The following MGST2 variants were observed in gnomAD, a reference collection of about 807,000 sequenced individuals.
MGST2 encodes the protein glutathione peroxidase MGST2.
Under a neutral mutation model 16.6 loss-of-function variants are expected in MGST2, and 9 were observed. The observed-to-expected ratio is 0.54, with a 90% CI of 0.33 to 0.95. The LOEUF (loss-of-function observed/expected upper bound fraction) is 0.95, where lower values mean the gene tolerates loss of function less well. MGST2 is among the 40% of genes least tolerant of loss of function. The pLI, the probability that MGST2 is intolerant of heterozygous loss-of-function variation, is 0.03. For missense variants in MGST2, 159 were observed against 175.1 expected (o/e 0.91, Z 0.52); for synonymous variants, 79 against 68.0 (o/e 1.16, Z -0.79).
chr4:139,720,516 T>TA (rs1196328046), intron 5 of MGST2, among the ~76,000 whole-genome samples: 2 of 152,078 alleles, frequency 1.3e-5, no homozygotes, highest in Admixed American at 6.5e-5. Flanking sequence ...TTGAAAGTGT[T>TA]AAAAAATACA....
At chr4:139,719,466 C>A in intron 5 of MGST2, 1 of 1,614,018 alleles carries the variant, frequency 6.2e-7, no homozygotes, top group Non-Finnish European at 8.5e-7. Context: ...TTGTATGACA[C>A]GTCCTGAGGG....
intron 5 of MGST2, chr4:139,716,730 C>A (rs1727982618): frequency 6.6e-6 from 1 of 152,436 alleles, no homozygotes; most frequent in South Asian, 2.1e-4. Flanking sequence ...CAGTGAGGAT[C>A]TTAAAATAAA....
At chr4:139,679,030 T>C (rs974068466) in intron 2 of MGST2, 3 of 228,256 alleles carry the variant, frequency 1.3e-5, no homozygotes, top group African/African-American at 6.9e-5. Context: ...AAAACAGAGG[T>C]AGATCAGGAT....
intron 2 of MGST2, among the ~76,000 whole-genome samples, chr4:139,689,678 A>C (rs1381945612): frequency 6.6e-6 from 1 of 152,250 alleles, no homozygotes; most frequent in Non-Finnish European, 1.5e-5. Context: ...ACCTGCAAGA[A>C]GCAAACTTCC....
At chr4:139,716,620 T>G (rs1479692351) in intron 5 of MGST2, 2 of 152,602 alleles carry the variant, frequency 1.3e-5, no homozygotes, top group Non-Finnish European at 2.9e-5. Flanking sequence ...ATCTCTCCCA[T>G]TAAATAAATG....
intron 2 of MGST2, among the ~76,000 whole-genome samples, chr4:139,684,480 G>A (rs1731443067): frequency 6.6e-6 from 1 of 152,132 alleles, no homozygotes; most frequent in African/African-American, 2.4e-5. Flanking sequence ...GATCTTAGAG[G>A]TTTTACCCAA....
intron 5 of MGST2, among the ~76,000 whole-genome samples, chr4:139,723,306 G>GT (rs954168316): frequency 6.6e-6 from 1 of 151,564 alleles, no homozygotes; most frequent in Admixed American, 6.6e-5. Context: ...TTTGTCTCTG[G>GT]TTTTTTTTGT....
chr4:139,719,485 C>T (rs1180941436), intron 5 of MGST2: 3 of 1,613,920 alleles, frequency 1.9e-6, no homozygotes, highest in Non-Finnish European at 1.7e-6. Flanking sequence ...GGGCATTCCG[C>T]TCATAGGCTT....
At chr4:139,731,769 C>A (rs1467916907) in intron 5 of MGST2, among the ~76,000 whole-genome samples, 3 of 152,146 alleles carry the variant, frequency 2.0e-5, no homozygotes, top group African/African-American at 7.2e-5. Flanking sequence ...GTGGTAAAGA[C>A]CTAATTCCAC....
intron 5 of MGST2, among the ~76,000 whole-genome samples, chr4:139,733,355 T>C (rs999084932): frequency 7.2e-5 from 11 of 152,170 alleles, no homozygotes; most frequent in African/African-American, 2.7e-4. Flanking sequence ...CTGTTTATCT[T>C]TGTGCACTTT....
At chr4:139,683,783 G>A (rs1407580778) in intron 2 of MGST2, among the ~76,000 whole-genome samples, 1 of 152,090 alleles carries the variant, frequency 6.6e-6, no homozygotes, top group African/African-American at 2.4e-5. Flanking sequence ...GGTTTAATTG[G>A]ACTTACAGTT....
chr4:139,682,254 A>C (rs1378255968), intron 2 of MGST2, among the ~76,000 whole-genome samples: 3 of 151,470 alleles, frequency 2.0e-5, no homozygotes, highest in Admixed American at 6.6e-5. Flanking sequence ...AAAAAAAAAA[A>C]AACAAAAACA....
At chr4:139,672,612 G>T (rs1188726274) in intron 1 of MGST2, among the ~76,000 whole-genome samples, 1 of 149,984 alleles carries the variant, frequency 6.7e-6, no homozygotes, top group Non-Finnish European at 1.5e-5. Flanking sequence ...GTACAGTGGT[G>T]CGATCTCAGC....
chr4:139,725,493 T>TC (rs1728431411), intron 5 of MGST2, among the ~76,000 whole-genome samples: 1 of 152,188 alleles, frequency 6.6e-6, no homozygotes, highest in Non-Finnish European at 1.5e-5. Flanking sequence ...TAGTCCCAAC[T>TC]CCGACAGCTA....
intron 1 of MGST2, among the ~76,000 whole-genome samples, chr4:139,670,320 G>C (rs1282819586): frequency 6.6e-6 from 1 of 151,766 alleles, no homozygotes; most frequent in Non-Finnish European, 1.5e-5. Flanking sequence ...GGTTTATTCT[G>C]AGCCAATATG....
At chr4:139,745,285 C>T (rs1042445825), downstream of MGST2, among the ~76,000 whole-genome samples, 1 of 100,654 alleles carries the variant, frequency 9.9e-6, no homozygotes, top group African/African-American at 3.1e-5. Flanking sequence ...ACTCGACCAC[C>T]GTCCATCAGG....
At chr4:139,707,569 C>T (rs1727568503), downstream of MGST2, among the ~76,000 whole-genome samples, 1 of 151,922 alleles carries the variant, frequency 6.6e-6, no homozygotes, top group Non-Finnish European at 1.5e-5. Flanking sequence ...GGGTATATAC[C>T]CAGTAATGGG....
intron 5 of MGST2, among the ~76,000 whole-genome samples, chr4:139,723,307 T>G (rs1233900696): frequency 6.6e-6 from 1 of 151,844 alleles, no homozygotes; most frequent in Non-Finnish European, 1.5e-5. Context: ...TTGTCTCTGG[T>G]TTTTTTTGTT....
At chr4:139,702,667 G>GCT (rs1482372923) in intron 3 of MGST2, among the ~76,000 whole-genome samples, 3 of 151,880 alleles carry the variant, frequency 2.0e-5, no homozygotes, top group Non-Finnish European at 2.9e-5. Flanking sequence ...GTGAACACAT[G>GCT]CTTTCATTTC....
Sources: gnomAD v4.1 joint callset for allele counts (sites outside exome capture counted in the v4.1 genomes callset) on GRCh38, gnomAD v4.1.1 for gene constraint, MANE v1.5 for transcripts, NCBI Gene and HGNC (gene_info 2026-07-23, HGNC 2026-07-21) for gene names.